The following ACSM5 variants were observed in gnomAD, a reference collection of about 807,000 sequenced individuals.
ACSM5 encodes the protein acyl-coenzyme A synthetase ACSM5, mitochondrial.
In ACSM5, 56 loss-of-function variants were observed where a neutral mutation model predicts 71.6. That is an observed-to-expected ratio of 0.78 (90% CI 0.63 to 0.98). ACSM5 has a LOEUF of 0.98. Among genes scored for constraint, ACSM5 ranks in the 50% least tolerant of loss-of-function variants. The pLI is 0.00. For missense variants in ACSM5, 723 were observed against 726.0 expected, an observed-to-expected ratio of 1.00 and a Z score of 0.05; for synonymous variants, 285 against 281.5, an observed-to-expected ratio of 1.01 and a Z score of -0.12.
intron 9 of ACSM5, 42 bp downstream of exon 9, chr16:20,431,115 A>G: frequency 6.2e-7 from 1 of 1,605,424 alleles, no homozygotes; most frequent in Non-Finnish European, 8.5e-7. Flanking sequence ...TGGCATGGAG[A>G]GGAGAAAGAC....
rs1567338531 is a variant in ACSM5, at chr16:20,411,684, A to T, written c.200A>T (p.Glu67Val). 1 of 1,613,726 alleles carries T rather than the reference A, an allele frequency of 6.2e-7. No individual in the cohort carries two copies. The highest frequency in any genetic ancestry group is 8.5e-7 in the Non-Finnish European group (1 of 1,180,000). ...HDVLDVWSRL[E>V]EAGHRPPNPA... ...GTGCTGGATGTGTGGAGTCGGCTGGAAGAGGTGAAGCCTGTTCTGTCCTAG... is the reference window on the plus strand; with the variant it reads ...GTGCTGGATGTGTGGAGTCGGCTGGTAGAGGTGAAGCCTGTTCTGTCCTAG... The change falls in exon 2 of 14, where the codon GAA becomes GTA. Residue 67 changes from glutamate to valine, a missense_variant. Transcript: ENST00000331849.
At chr16:20,412,329 G>C (rs1358979519) in intron 2 of ACSM5, 3 of 152,374 alleles carry the variant, frequency 2.0e-5, no homozygotes, top group Non-Finnish European at 4.4e-5. Context: ...CTCCAGCCTA[G>C]ACAACAGAGT....
intron 2 of ACSM5, among the ~76,000 whole-genome samples, chr16:20,412,511 C>T (rs887945332): frequency 6.6e-6 from 1 of 152,092 alleles, no homozygotes; most frequent in Admixed American, 6.5e-5. Flanking sequence ...TTTATTTTCC[C>T]TTATATCTGT....
rs1384789869 is a variant in ACSM5, at chr16:20,441,142, G to A, written c.*715G>A. 6.6e-6 allele frequency: 1 copy of A among 152,080 alleles called. No individual in the cohort carries two copies. The highest frequency in any genetic ancestry group is 6.6e-5 in the Admixed American group (1 of 15,262). 9.4% of individuals were successfully genotyped at this position (152,080 alleles called of 1,614,324 possible). A position where few individuals can be genotyped will look rare whatever the true frequency, so the allele number is the denominator to read the frequency against. On this transcript the variant is annotated 3_prime_UTR_variant, in exon 14 of 14. Transcript: ENST00000331849. ...AAATCAGAGCAAAAATATTCATACT[G>A]GAGAATCCCAACTCTGAAAAATAAA...
intron 9 of ACSM5, 63 bp downstream of exon 9, chr16:20,431,136 G>A (rs1967088965): frequency 1.3e-6 from 2 of 1,597,662 alleles, no homozygotes; most frequent in African/African-American, 1.3e-5. Context: ...ACACAGGCCT[G>A]GTTGGCACGG....
intron 10 of ACSM5, among the ~76,000 whole-genome samples, chr16:20,435,918 CTT>C (rs1967183217): frequency 6.9e-6 from 1 of 144,860 alleles, no homozygotes; most frequent in East Asian, 2.3e-4. Context: ...CCCTCCCTTT[CTT>C]TCTTTCTTTC....
chr16:20,436,653 A>G (rs1485308580), intron 10 of ACSM5, among the ~76,000 whole-genome samples: 2 of 152,188 alleles, frequency 1.3e-5, no homozygotes, highest in East Asian at 1.9e-4. Flanking sequence ...TATAGGGATG[A>G]GCCACCACAC....
Position 20,440,330 on chromosome 16 carries a change from T to A in ACSM5, c.1657-14T>A. Reference sequence around the variant, plus strand: ...TGATTTCCAAGTGTTTTTTGTTTTGTGTTTGGTCACTAGGTGGCCTTTGTT... The same window carrying A: ...TGATTTCCAAGTGTTTTTTGTTTTGAGTTTGGTCACTAGGTGGCCTTTGTT... On this transcript the variant is annotated splice_polypyrimidine_tract_variant and intron_variant, in intron 13 of 13. Coordinates refer to ENST00000331849, the MANE Select transcript of ACSM5 (RefSeq NM_017888.3). 6.7e-7 allele frequency: 1 copy of A among 1,498,298 alleles called. No individual in the cohort carries two copies. The highest frequency in any genetic ancestry group is 9.3e-7 in the Non-Finnish European group (1 of 1,073,804). The allele number at this position is 1,498,298 out of a possible 1,614,324, so 92.8% of individuals were successfully genotyped here. A position where few individuals can be genotyped will look rare whatever the true frequency, so the allele number is the denominator to read the frequency against.
Position 20,440,311 on chromosome 16 carries a change from C to T in ACSM5, c.1657-33C>T, listed in dbSNP as rs547645305. On this transcript the variant is annotated intron_variant, in intron 13 of 13. Coordinates refer to ENST00000331849, the MANE Select transcript of ACSM5 (RefSeq NM_017888.3). ...AAGTCTTTTTGAGAAATGATGATTT[C>T]CAAGTGTTTTTTGTTTTGTGTTTGG... 312 of 1,331,646 alleles carry T rather than the reference C, an allele frequency of 2.3e-4. 3 individuals are homozygous for T. The highest frequency in any genetic ancestry group is 5.3e-4 in the South Asian group (45 of 85,174). 82.5% of individuals were successfully genotyped at this position (1,331,646 alleles called of 1,614,324 possible).
intron 4 of ACSM5, among the ~76,000 whole-genome samples, chr16:20,420,010 C>T (rs1026557273): frequency 3.3e-5 from 5 of 152,152 alleles, no homozygotes; most frequent in African/African-American, 1.2e-4. Context: ...AAGTGACTTG[C>T]CCAAGGTGCT....
rs1382387620 is a variant in ACSM5, at chr16:20,419,274, C to A, written c.462C>A (p.Leu154=). The A allele has an allele frequency of 6.2e-7, 1 of 1,614,110 alleles. No homozygotes were observed. The highest frequency in any genetic ancestry group is 8.5e-7 in the Non-Finnish European group (1 of 1,180,002). Residue 154 remains leucine, a synonymous_variant, in exon 4 of 14, where the codon CTC becomes CTA. Coordinates refer to ENST00000331849, the MANE Select transcript of ACSM5 (RefSeq NM_017888.3). Reference sequence around the variant, plus strand: ...TGACTCAGCTGACAGAGAAGGACCTCAAGTACCGGCTGCAGGCGTCCAGGG... The same window carrying A: ...TGACTCAGCTGACAGAGAAGGACCTAAAGTACCGGCTGCAGGCGTCCAGGG... ...PGVTQLTEKD[L]KYRLQASRAK...
intron 7 of ACSM5, among the ~76,000 whole-genome samples, 184 bp from the exon 8 acceptor site, chr16:20,429,494 A>G (rs1450144093): frequency 6.6e-6 from 1 of 152,164 alleles, no homozygotes. Flanking sequence ...TGGATCTTTT[A>G]AAAATTATCT....
intron 2 of ACSM5, among the ~76,000 whole-genome samples, chr16:20,415,544 G>T (rs540628387): frequency 6.6e-6 from 1 of 152,320 alleles, no homozygotes; most frequent in Admixed American, 6.5e-5. Flanking sequence ...TCTTGTACTG[G>T]ACAGAGAGAG....
intron 2 of ACSM5, among the ~76,000 whole-genome samples, chr16:20,412,440 A>G (rs1344501596): frequency 6.6e-6 from 1 of 152,238 alleles, no homozygotes; most frequent in Non-Finnish European, 1.5e-5. Flanking sequence ...CATAACAGAT[A>G]CATAGAATTG....
chr16:20,426,823 GA>G (rs1966989485), intron 6 of ACSM5, among the ~76,000 whole-genome samples: 1 of 152,126 alleles, frequency 6.6e-6, no homozygotes, highest in African/African-American at 2.4e-5. Context: ...AATAGTTCTG[GA>G]GGTGGATGGT....
At chr16:20,436,118 T>TTCTC (rs1202705042) in intron 10 of ACSM5, among the ~76,000 whole-genome samples, 34 of 93,836 alleles carry the variant, frequency 3.6e-4, no homozygotes, top group Admixed American at 1.5e-3. Flanking sequence ...CTTTTTCTCT[T>TTCTC]TCTTTCCTTC....
intron 1 of ACSM5, 60 bp downstream of exon 1, chr16:20,409,725 T>G (rs953839691): frequency 3.3e-5 from 5 of 152,092 alleles, no homozygotes; most frequent in African/African-American, 1.2e-4. Context: ...CCTTTGCTGA[T>G]TAAATCAAGA....
chr16:20,410,033 T>C (rs200913351), intron 1 of ACSM5, among the ~76,000 whole-genome samples: 2 of 152,282 alleles, frequency 1.3e-5, no homozygotes, highest in East Asian at 3.9e-4. Flanking sequence ...AACCTGAAAG[T>C]CACTTTTCCC....
intron 3 of ACSM5, among the ~76,000 whole-genome samples, chr16:20,418,473 C>A (rs924214245): frequency 6.6e-6 from 1 of 152,146 alleles, no homozygotes; most frequent in East Asian, 1.9e-4. Context: ...CAGTGCAAGG[C>A]AGTAGGGAGT....
Sources: gnomAD v4.1 joint callset for allele counts (sites outside exome capture counted in the v4.1 genomes callset) on GRCh38, gnomAD v4.1.1 for gene constraint, MANE v1.5 for transcripts, NCBI Gene and HGNC (gene_info 2026-07-23, HGNC 2026-07-21) for gene names.